The following CFAP61 variants were observed in gnomAD, a reference collection of about 807,000 sequenced individuals.
CFAP61 encodes cilia and flagella associated protein 61, also known as cilia- and flagella-associated protein 61.
CFAP61 carries 107 observed loss-of-function variants against 135.6 expected under a neutral mutation model. The observed-to-expected ratio is 0.79, with a 90% CI of 0.67 to 0.93. The LOEUF is 0.93. Ranked by LOEUF, CFAP61 falls within the 40% of genes least tolerant of loss-of-function variation. CFAP61 has a pLI of 0.00. For synonymous variants in CFAP61, 575 were observed against 578.5 expected (o/e 0.99, Z 0.09); for missense variants, 1,507 against 1,556.2 (o/e 0.97, Z 0.53).
At chr20:20,159,476 C>T in intron 10 of CFAP61, 32 bp downstream of exon 10, 1 of 1,577,200 alleles carries the variant, frequency 6.3e-7, no homozygotes, top group Non-Finnish European at 8.7e-7. Context: ...TGCGTGCCTT[C>T]TAGCCACCCC....
At chr20:20,280,532 C>T (rs1469682830) in intron 22 of CFAP61, among the ~76,000 whole-genome samples, 1 of 152,174 alleles carries the variant, frequency 6.6e-6, no homozygotes, top group African/African-American at 2.4e-5. Flanking sequence ...ACATTATATA[C>T]TATTTTTCTA....
At chr20:20,117,427 T>C (rs1373763734) in intron 8 of CFAP61, among the ~76,000 whole-genome samples, 2 of 152,114 alleles carry the variant, frequency 1.3e-5, no homozygotes, top group Admixed American at 6.6e-5. Context: ...GAGTTCTCTA[T>C]TCTGTTCCAT....
intron 26 of CFAP61, among the ~76,000 whole-genome samples, chr20:20,356,323 T>G (rs2059160183): frequency 8.6e-6 from 1 of 116,428 alleles, no homozygotes; most frequent in East Asian, 2.6e-4. Flanking sequence ...TGAGGGGAAG[T>G]GGTCACACTG....
chr20:20,107,436 A>G (rs1196924163), intron 8 of CFAP61, among the ~76,000 whole-genome samples: 4 of 152,056 alleles, frequency 2.6e-5, no homozygotes, highest in Non-Finnish European at 5.9e-5. Context: ...ATTTCTCCTC[A>G]AGGTAGTTAA....
intron 21 of CFAP61, among the ~76,000 whole-genome samples, chr20:20,272,351 A>C (rs2053422276): frequency 6.6e-6 from 1 of 152,228 alleles, no homozygotes; most frequent in African/African-American, 2.4e-5. Flanking sequence ...GAAGCATGCC[A>C]GGAGGCAGAA....
intron 20 of CFAP61, among the ~76,000 whole-genome samples, chr20:20,258,073 T>C (rs140460613): frequency 3.0e-4 from 45 of 152,294 alleles, no homozygotes; most frequent in African/African-American, 9.9e-4. Context: ...CATGGGTGGA[T>C]TAGGGTTAGG....
At chr20:20,201,604 A>G (rs1405692964) in intron 17 of CFAP61, among the ~76,000 whole-genome samples, 1 of 152,164 alleles carries the variant, frequency 6.6e-6, no homozygotes, top group Non-Finnish European at 1.5e-5. Flanking sequence ...AACACCCAGA[A>G]GTTTGGTGCA....
intron 25 of CFAP61, among the ~76,000 whole-genome samples, chr20:20,336,672 T>C (rs1389598569): frequency 6.6e-6 from 1 of 151,918 alleles, no homozygotes; most frequent in Non-Finnish European, 1.5e-5. Context: ...TTCAGTAATG[T>C]AGTCACACAG....
chr20:20,114,374 A>G (rs974101964), intron 8 of CFAP61, among the ~76,000 whole-genome samples: 1 of 152,212 alleles, frequency 6.6e-6, no homozygotes, highest in Non-Finnish European at 1.5e-5. Context: ...TTTTTATAAT[A>G]TATTAAGCCT....
chr20:20,091,670 A>AATT (rs532352119), intron 7 of CFAP61, among the ~76,000 whole-genome samples: 69 of 151,820 alleles, frequency 4.5e-4, no homozygotes, highest in African/African-American at 1.5e-3. Flanking sequence ...TGATTCCTGT[A>AATT]ATTATTATTA....
At position 20,230,987 on chromosome 20, in the gene CFAP61, A is replaced by G. The variant is rs1312602034; in HGVS notation, c.2060+2611A>G. Among the ~76,000 whole-genome samples, 6 of 152,228 alleles carry G rather than the reference A, an allele frequency of 3.9e-5. No individual in the cohort carries two copies. In the South Asian group the frequency reaches 1.2e-3, roughly 32 times the overall value. ...GGTAATTCTGTCATCTGACAACAAA[A>G]CAAACACAACTTTGTTCTTGTATTA... On this transcript the variant is annotated intron_variant, in intron 18 of 26. Transcript: ENST00000245957.
At chr20:20,350,704 G>T (rs2058805821) in intron 26 of CFAP61, among the ~76,000 whole-genome samples, 1 of 152,198 alleles carries the variant, frequency 6.6e-6, no homozygotes, top group South Asian at 2.1e-4. Flanking sequence ...AACATTCAAA[G>T]CAGCACTGTT....
chr20:20,187,213 T>C (rs1261860140), intron 13 of CFAP61, among the ~76,000 whole-genome samples: 1 of 152,158 alleles, frequency 6.6e-6, no homozygotes, highest in East Asian at 1.9e-4. Context: ...GGAACCCCAC[T>C]GGGTGTTGGC....
intron 21 of CFAP61, among the ~76,000 whole-genome samples, chr20:20,275,512 G>A (rs574866569): frequency 2.0e-5 from 3 of 152,228 alleles, no homozygotes; most frequent in East Asian, 1.9e-4. Context: ...CCTGCAGTCC[G>A]TGGACCACCC....
chr20:20,098,616 A>AAAAG, intron 7 of CFAP61, 39 bp from the exon 8 acceptor site: 1 of 1,522,126 alleles, frequency 6.6e-7, no homozygotes, highest in Non-Finnish European at 8.8e-7. Flanking sequence ...TCAAAAAAAA[A>AAAAG]AAAAAAAAAA....
At chr20:20,123,750 T>G (rs2146701314) in intron 8 of CFAP61, among the ~76,000 whole-genome samples, 1 of 151,816 alleles carries the variant, frequency 6.6e-6, no homozygotes, top group Non-Finnish European at 1.5e-5. Flanking sequence ...TAGAATTGTA[T>G]TTTCTAATTC....
At chr20:20,057,267 C>G (rs2044430792) in intron 2 of CFAP61, among the ~76,000 whole-genome samples, 1 of 151,874 alleles carries the variant, frequency 6.6e-6, no homozygotes, top group African/African-American at 2.4e-5. Flanking sequence ...TCTCTGGGAA[C>G]AACAAATTCC....
intron 2 of CFAP61, among the ~76,000 whole-genome samples, chr20:20,065,420 C>T (rs2045171631): frequency 6.6e-6 from 1 of 151,768 alleles, no homozygotes; most frequent in African/African-American, 2.4e-5. Flanking sequence ...ATCTTTATAA[C>T]TGAAAAGGTT....
chr20:20,191,999 T>A (rs1158872952), intron 15 of CFAP61, among the ~76,000 whole-genome samples: 3 of 152,138 alleles, frequency 2.0e-5, no homozygotes, highest in Non-Finnish European at 1.5e-5. Context: ...TGCATTATCA[T>A]GTGCTTTTAT....
Sources: gnomAD v4.1 joint callset for allele counts (sites outside exome capture counted in the v4.1 genomes callset) on GRCh38, gnomAD v4.1.1 for gene constraint, MANE v1.5 for transcripts, NCBI Gene and HGNC (gene_info 2026-07-23, HGNC 2026-07-21) for gene names.